CALCR: variants seen among roughly 807,000 people sequenced by gnomAD.
CALCR encodes calcitonin receptor.
A neutral mutation model predicts 59.5 loss-of-function variants in CALCR; 47 were observed. The ratio of observed to expected loss-of-function variants is 0.79; its 90% CI spans 0.63 to 1.01. The LOEUF (loss-of-function observed/expected upper bound fraction) is 1.01. Ranked by LOEUF, CALCR falls within the 50% of genes least tolerant of loss-of-function variation. The pLI, the probability that CALCR is intolerant of heterozygous loss-of-function variation, is 0.00. For synonymous variants in CALCR, 213 were observed against 211.3 expected (o/e 1.01, Z -0.07); for missense variants, 566 against 597.1 (o/e 0.95, Z 0.54).
intron 2 of CALCR, among the ~76,000 whole-genome samples, chr7:93,525,909 A>G (rs975198803): frequency 6.6e-6 from 1 of 152,178 alleles, no homozygotes; most frequent in Admixed American, 6.6e-5. Flanking sequence ...GTTTAATTCT[A>G]GTGGAACACG....
At chr7:93,455,068 C>A (rs1319584602) in intron 8 of CALCR, among the ~76,000 whole-genome samples, 1 of 151,792 alleles carries the variant, frequency 6.6e-6, no homozygotes, top group Non-Finnish European at 1.5e-5. Flanking sequence ...TTAATATATC[C>A]CCATGGGCAT....
At chr7:93,479,575 A>T in intron 3 of CALCR, 68 bp from the exon 4 acceptor site, 2 of 1,423,160 alleles carry the variant, frequency 1.4e-6, no homozygotes, top group East Asian at 2.3e-5. Flanking sequence ...AAATGAGACA[A>T]TGAAAAAGTT....
intron 2 of CALCR, among the ~76,000 whole-genome samples, chr7:93,567,434 A>G (rs961766456): frequency 1.3e-5 from 2 of 152,250 alleles, no homozygotes; most frequent in Admixed American, 6.5e-5. Context: ...AAATAAGAAA[A>G]TAATACAAAA....
At chr7:93,437,127 C>T (rs1270736386) in intron 11 of CALCR, among the ~76,000 whole-genome samples, 1 of 151,932 alleles carries the variant, frequency 6.6e-6, no homozygotes, top group African/African-American at 2.4e-5. Context: ...TGGTCATTCA[C>T]AGTGAAGTAT....
intron 2 of CALCR, among the ~76,000 whole-genome samples, chr7:93,564,211 C>A (rs1441435389): frequency 6.6e-6 from 1 of 151,844 alleles, no homozygotes; most frequent in Non-Finnish European, 1.5e-5. Flanking sequence ...CGAGAATCTA[C>A]CAGAAAGAGA....
chr7:93,560,834 A>G (rs891334887), intron 2 of CALCR, among the ~76,000 whole-genome samples: 1 of 152,180 alleles, frequency 6.6e-6, no homozygotes, highest in African/African-American at 2.4e-5. Context: ...GGGGATGCAG[A>G]TAGAATTTGT....
chr7:93,540,266 G>A (rs143642435), intron 2 of CALCR, among the ~76,000 whole-genome samples: 1 of 152,226 alleles, frequency 6.6e-6, no homozygotes, highest in Non-Finnish European at 1.5e-5. Context: ...GCAGTCAATG[G>A]GTAGGATACT....
intron 2 of CALCR, among the ~76,000 whole-genome samples, chr7:93,496,754 C>T (rs910436179): frequency 9.9e-5 from 15 of 151,550 alleles, no homozygotes. Flanking sequence ...TGTTGTCACC[C>T]AAGGCCTAGA....
At chr7:93,554,261 T>C (rs1318465988) in intron 2 of CALCR, among the ~76,000 whole-genome samples, 1 of 152,192 alleles carries the variant, frequency 6.6e-6, no homozygotes, top group Non-Finnish European at 1.5e-5. Flanking sequence ...GAAACATCAT[T>C]TCTATTACAA....
At chr7:93,434,076 C>T (rs1461661848) in intron 13 of CALCR, among the ~76,000 whole-genome samples, 177 bp downstream of exon 13, 4 of 152,210 alleles carry the variant, frequency 2.6e-5, no homozygotes, top group African/African-American at 9.7e-5. Context: ...CATTGTACTA[C>T]ACATCCATGG....
At chr7:93,538,849 C>A (rs1789056639) in intron 2 of CALCR, among the ~76,000 whole-genome samples, 1 of 152,000 alleles carries the variant, frequency 6.6e-6, no homozygotes, top group Non-Finnish European at 1.5e-5. Flanking sequence ...GAGACCAATC[C>A]CCTGAGATAT....
At chr7:93,477,705 T>C (rs1255176108) in intron 4 of CALCR, 37 bp from the exon 5 acceptor site, 6 of 1,277,130 alleles carry the variant, frequency 4.7e-6, no homozygotes, top group Non-Finnish European at 4.6e-6. Context: ...TGAAGCCTTG[T>C]GGATTTAACT....
chr7:93,504,046 G>A (rs1394405865), intron 2 of CALCR, among the ~76,000 whole-genome samples: 3 of 152,262 alleles, frequency 2.0e-5, no homozygotes, highest in African/African-American at 7.2e-5. Context: ...GTTAAAAAAT[G>A]TATTTCACAA....
Position 93,479,426 on chromosome 7 carries a change from G to A in CALCR, c.133C>T (p.Arg45Ter), listed in dbSNP as rs762940513. Residue 45 changes from arginine to a stop codon, truncating the protein, a stop_gained, in exon 4 of 14, where the codon CGA becomes TGA. Coordinates refer to ENST00000426151, the MANE Select transcript of CALCR (RefSeq NM_001742.4). LOFTEE classifies it high-confidence loss of function. ...EPKPFLYVVG[R>*]KKMMDAQYKC... ...TACTGTGCATCCATCATCTTCTTTC[G>A]TCCTACGACGTAAAGAAATGGCTTG... 3.1e-5 allele frequency: 50 copies of A among 1,612,190 alleles called. No homozygotes were observed. In the Middle Eastern group the frequency reaches 4.9e-4, roughly 16 times the overall value.
intron 2 of CALCR, among the ~76,000 whole-genome samples, chr7:93,534,371 C>G (rs1422406129): frequency 2.0e-5 from 3 of 151,758 alleles, no homozygotes; most frequent in Admixed American, 6.6e-5. Flanking sequence ...GTAGGAGAGC[C>G]TGCTCCAGAG....
rs1799508502 is a variant in CALCR at position 93,425,580 on chromosome 7, G to A, written c.*776C>T. The A allele has an allele frequency of 6.6e-6, 1 of 152,416 alleles. No individual in the cohort carries two copies. Among genetic ancestry groups the A allele is most frequent in the African/African-American group, 2.4e-5 (1 of 41,426 alleles). 9.4% of individuals were successfully genotyped at this position (152,416 alleles called of 1,614,324 possible). On this transcript the variant is annotated 3_prime_UTR_variant, in exon 14 of 14. Coordinates refer to ENST00000426151, the MANE Select transcript of CALCR (RefSeq NM_001742.4). ...TTTGGCAGTTTTGTAAAAATTTTTA[G>A]TGATAGATTCTTTGTGACCTCTCAG...
intron 7 of CALCR, chr7:93,462,121 A>AAGCAATTT (rs1253627994): frequency 5.6e-6 from 8 of 1,433,800 alleles, no homozygotes; most frequent in Non-Finnish European, 7.6e-6. Flanking sequence ...CTGCAATAAA[A>AAGCAATTT]AGCAATTTAA....
In CALCR at chr7:93,519,349, G is replaced by A. The variant is rs137877811; in HGVS notation, c.-26-32342C>T. Reference sequence around the variant, plus strand: ...ATAATTTTATAGAGTAGTGATTCTAGGATTTGACTTTCTAAATTTACATAC... The same window carrying A: ...ATAATTTTATAGAGTAGTGATTCTAAGATTTGACTTTCTAAATTTACATAC... On this transcript the variant is annotated intron_variant, in intron 2 of 13. Coordinates refer to ENST00000426151, the MANE Select transcript of CALCR (RefSeq NM_001742.4). Among the ~76,000 whole-genome samples the A allele has an allele frequency of 1.2e-4, 18 of 152,008 alleles. No homozygotes were observed. The East Asian group carries it at 3.5e-3, about 29-fold the overall frequency.
intron 2 of CALCR, among the ~76,000 whole-genome samples, chr7:93,524,876 C>T (rs993887621): frequency 4.7e-4 from 72 of 152,024 alleles, no homozygotes; most frequent in Non-Finnish European, 1.0e-4. Flanking sequence ...TACTACAAAA[C>T]TAAAGTTTTT....
Sources: gnomAD v4.1 joint callset for allele counts (sites outside exome capture counted in the v4.1 genomes callset) on GRCh38, gnomAD v4.1.1 for gene constraint, MANE v1.5 for transcripts, NCBI Gene and HGNC (gene_info 2026-07-23, HGNC 2026-07-21) for gene names.